Variants in PGCKA1 observed in about 807,000 individuals in gnomAD.
PGCKA1 encodes PDCD10 and GCKIII kinases-associated protein 1.
At chr4:37,584,085 A>G in the PGCKA1 span, 21 of 152,396 alleles carry the variant, frequency 1.4e-4, no homozygotes, top group African/African-American at 4.6e-4. Flanking sequence ...TCCTTGCTAA[A>G]TGCAAGATGT....
the PGCKA1 span, among the ~76,000 whole-genome samples, chr4:37,521,232 G>A: frequency 6.6e-6 from 1 of 152,096 alleles, no homozygotes; most frequent in South Asian, 2.1e-4. Context: ...GCTTTTGCTG[G>A]ATCCCATAGG....
the PGCKA1 span, among the ~76,000 whole-genome samples, chr4:37,476,144 T>G: frequency 1.3e-5 from 2 of 152,082 alleles, no homozygotes; most frequent in African/African-American, 4.8e-5. Flanking sequence ...GATAATATGA[T>G]CAATCATTCA....
At chr4:37,565,860 C>T in the PGCKA1 span, among the ~76,000 whole-genome samples, 1 of 152,102 alleles carries the variant, frequency 6.6e-6, no homozygotes, top group Non-Finnish European at 1.5e-5. Flanking sequence ...GCAGACCCAC[C>T]CTTAATCTGG....
chr4:37,460,491 C>T, the PGCKA1 span: 2 of 441,656 alleles, frequency 4.5e-6, no homozygotes, highest in South Asian at 1.6e-5. Flanking sequence ...ACAGCCTTGC[C>T]AGCATCTACT....
At chr4:37,535,224 T>A in the PGCKA1 span, among the ~76,000 whole-genome samples, 46 of 152,194 alleles carry the variant, frequency 3.0e-4, no homozygotes, top group Middle Eastern at 3.4e-3. Context: ...GCGTGACGTG[T>A]TTTTGAAAGA....
the PGCKA1 span, among the ~76,000 whole-genome samples, chr4:37,502,178 C>G: frequency 6.6e-6 from 1 of 152,228 alleles, no homozygotes; most frequent in Admixed American, 6.5e-5. Context: ...GTGATGGCAG[C>G]AGGCTCCATC....
the PGCKA1 span, among the ~76,000 whole-genome samples, chr4:37,478,136 A>C: frequency 9.1e-6 from 1 of 110,420 alleles, no homozygotes; most frequent in Non-Finnish European, 2.0e-5. Context: ...TTTTTATTTT[A>C]AAAACACCCC....
the PGCKA1 span, among the ~76,000 whole-genome samples, chr4:37,477,643 CAA>C: frequency 6.6e-6 from 1 of 152,118 alleles, no homozygotes; most frequent in South Asian, 2.1e-4. Context: ...AGTTTTTAGA[CAA>C]GAGATCAATA....
At chr4:37,463,992 G>A in the PGCKA1 span, among the ~76,000 whole-genome samples, 1 of 152,090 alleles carries the variant, frequency 6.6e-6, no homozygotes, top group Non-Finnish European at 1.5e-5. Context: ...GACTAGGCGA[G>A]GCACAAGTAC....
the PGCKA1 span, among the ~76,000 whole-genome samples, chr4:37,481,717 A>G: frequency 6.6e-6 from 1 of 152,094 alleles, no homozygotes; most frequent in Non-Finnish European, 1.5e-5. Flanking sequence ...TGAAGGCTCT[A>G]TCCTCAAATA....
At chr4:37,455,776 T>A in the PGCKA1 span, among the ~76,000 whole-genome samples, 1 of 152,094 alleles carries the variant, frequency 6.6e-6, no homozygotes. Flanking sequence ...CCGGCCAGAA[T>A]CCATTTGCAG....
the PGCKA1 span, among the ~76,000 whole-genome samples, chr4:37,548,361 T>C: frequency 5.3e-5 from 8 of 152,286 alleles, no homozygotes; most frequent in Non-Finnish European, 1.0e-4. Flanking sequence ...AAAAAAGTTA[T>C]TGTTTTAAAA....
At chr4:37,561,487 G>T in the PGCKA1 span, among the ~76,000 whole-genome samples, 1 of 152,184 alleles carries the variant, frequency 6.6e-6, no homozygotes, top group Non-Finnish European at 1.5e-5. Context: ...AATAGTCTAT[G>T]ACAAGGTCCT....
At chr4:37,552,008 C>CATATTGTTTT in the PGCKA1 span, among the ~76,000 whole-genome samples, 1 of 152,166 alleles carries the variant, frequency 6.6e-6, no homozygotes, top group Admixed American at 6.5e-5. Flanking sequence ...TAAACCCTCT[C>CATATTGTTTT]ATATTGTTTT....
the PGCKA1 span, among the ~76,000 whole-genome samples, chr4:37,475,610 A>G: frequency 3.9e-5 from 6 of 152,326 alleles, no homozygotes; most frequent in Admixed American, 1.3e-4. Flanking sequence ...ATAAAATTAT[A>G]CCACTTTTAG....
At chr4:37,515,283 CT>C in the PGCKA1 span, among the ~76,000 whole-genome samples, 1 of 152,148 alleles carries the variant, frequency 6.6e-6, no homozygotes, top group Non-Finnish European at 1.5e-5. Context: ...GACTTCCAAC[CT>C]CCAGAATTGT....
At chr4:37,544,673 CAT>C in the PGCKA1 span, among the ~76,000 whole-genome samples, 8 of 150,926 alleles carry the variant, frequency 5.3e-5, no homozygotes, top group Non-Finnish European at 8.8e-5. Flanking sequence ...TAAAAAAAAA[CAT>C]AGCTTTCAGT....
chr4:37,582,631 T>G, the PGCKA1 span, among the ~76,000 whole-genome samples: 1 of 152,220 alleles, frequency 6.6e-6, no homozygotes, highest in Non-Finnish European at 1.5e-5. Context: ...TATCCCTCGT[T>G]GTTTCAACTC....
At chr4:37,531,683 G>A in the PGCKA1 span, among the ~76,000 whole-genome samples, 13 of 151,620 alleles carry the variant, frequency 8.6e-5, no homozygotes, top group African/African-American at 3.1e-4. Flanking sequence ...ACGAGGTCAG[G>A]AGATCGAGAC....
Sources: allele counts gnomAD v4.1 joint callset (sites outside exome capture counted in the v4.1 genomes callset), GRCh38; gene constraint gnomAD v4.1.1; transcripts MANE v1.5; gene names NCBI Gene and HGNC (gene_info 2026-07-23, HGNC 2026-07-21).